Variants in DSCAM observed in about 807,000 individuals in gnomAD.
DSCAM encodes cell adhesion molecule DSCAM.
Under a neutral mutation model 217.7 loss-of-function variants are expected in DSCAM, and 47 were observed. The observed-to-expected ratio is 0.22, with a 90% CI of 0.17 to 0.28. The LOEUF (loss-of-function observed/expected upper bound fraction) is 0.28, where lower values mean the gene tolerates loss of function less well. DSCAM is among the 10% of genes least tolerant of loss of function. DSCAM has a pLI of 1.00. For missense variants in DSCAM, 2,080 were observed against 2,618.3 expected (o/e 0.79, Z 4.49); for synonymous variants, 1,056 against 1,015.3 (o/e 1.04, Z -0.76).
intron 1 of DSCAM, among the ~76,000 whole-genome samples, chr21:40,786,792 T>G (rs2091597945): frequency 6.6e-6 from 1 of 152,238 alleles, no homozygotes; most frequent in Admixed American, 6.5e-5. Context: ...ATTTATAGTT[T>G]AGTTACTATA....
intron 30 of DSCAM, among the ~76,000 whole-genome samples, chr21:40,047,245 G>A (rs1034393765): frequency 2.6e-5 from 4 of 152,092 alleles, no homozygotes; most frequent in Non-Finnish European, 4.4e-5. Flanking sequence ...GAACTCTGCT[G>A]TATGATAATG....
chr21:40,013,444 T>A, intron 32 of DSCAM, 58 bp from the exon 33 acceptor site: 1 of 1,319,576 alleles, frequency 7.6e-7, no homozygotes, highest in Non-Finnish European at 1.0e-6. Context: ...ATGGGCAGAA[T>A]GTCCTGTGTG....
chr21:40,446,378 A>G (rs1569127233), intron 3 of DSCAM, among the ~76,000 whole-genome samples: 1 of 152,162 alleles, frequency 6.6e-6, no homozygotes, highest in African/African-American at 2.4e-5. Flanking sequence ...GTCCAGTCCT[A>G]TGGCCACTGG....
chr21:40,410,612 GA>G (rs1407792597), intron 3 of DSCAM, among the ~76,000 whole-genome samples: 1 of 151,388 alleles, frequency 6.6e-6, no homozygotes, highest in Non-Finnish European at 1.5e-5. Context: ...CAGTCATGAA[GA>G]AAAAAATATC....
chr21:40,430,836 A>G (rs1289526535), intron 3 of DSCAM, among the ~76,000 whole-genome samples: 2 of 152,228 alleles, frequency 1.3e-5, no homozygotes, highest in African/African-American at 4.8e-5. Flanking sequence ...ACCGTGTGCG[A>G]CGCACTTGAG....
chr21:40,288,618 C>T (rs2073855339), intron 10 of DSCAM, among the ~76,000 whole-genome samples: 1 of 152,228 alleles, frequency 6.6e-6, no homozygotes. Context: ...CCAGTATTCA[C>T]ATTTTCCCCT....
At chr21:40,429,998 C>G (rs2075515084) in intron 3 of DSCAM, among the ~76,000 whole-genome samples, 1 of 152,114 alleles carries the variant, frequency 6.6e-6, no homozygotes, top group African/African-American at 2.4e-5. Flanking sequence ...TCATTAAGAC[C>G]TTGTGTAAAA....
At chr21:40,132,936 C>T (rs532876927) in intron 19 of DSCAM, among the ~76,000 whole-genome samples, 32 of 152,274 alleles carry the variant, frequency 2.1e-4, no homozygotes, top group African/African-American at 7.0e-4. Flanking sequence ...ACAGCTTTCC[C>T]GCCCCTGTAC....
chr21:40,416,971 G>T (rs2075377857), intron 3 of DSCAM, among the ~76,000 whole-genome samples: 1 of 152,060 alleles, frequency 6.6e-6, no homozygotes, highest in Admixed American at 6.5e-5. Flanking sequence ...AAAATCAAGG[G>T]ACTCTGGAAC....
chr21:40,094,251 A>T (rs2089649114), intron 20 of DSCAM, among the ~76,000 whole-genome samples: 1 of 152,198 alleles, frequency 6.6e-6, no homozygotes, highest in Non-Finnish European at 1.5e-5. Flanking sequence ...AATAAATGAC[A>T]GTGATCTCTG....
At chr21:40,514,190 A>T (rs1179652489) in intron 3 of DSCAM, among the ~76,000 whole-genome samples, 1 of 152,200 alleles carries the variant, frequency 6.6e-6, no homozygotes, top group Non-Finnish European at 1.5e-5. Context: ...GGTATGGTGA[A>T]CCCTACTCCT....
At chr21:40,681,839 G>A (rs567606141) in intron 3 of DSCAM, among the ~76,000 whole-genome samples, 1 of 152,180 alleles carries the variant, frequency 6.6e-6, no homozygotes, top group Admixed American at 6.5e-5. Flanking sequence ...CTAGAGGGAG[G>A]GACTGGATGG....
chr21:40,067,845 C>T (rs926827504), intron 27 of DSCAM, among the ~76,000 whole-genome samples: 3 of 150,824 alleles, frequency 2.0e-5, no homozygotes, highest in African/African-American at 7.3e-5. Flanking sequence ...TCCTGGTACA[C>T]ATCAAGCAAA....
Position 40,534,678 on chromosome 21 carries a change from C to T in DSCAM, c.508+158132G>A, listed in dbSNP as rs548385618. On this transcript the variant is annotated intron_variant, in intron 3 of 32. Transcript: ENST00000400454. ...TTCTTTACATTTGAAGAGCAGGTAT[C>T]TTGCTTGCTATCCAGGGCAATGATA... Among the ~76,000 whole-genome samples, 41 of 152,288 alleles carry T rather than the reference C, an allele frequency of 2.7e-4. 1 individual carries two copies. The highest frequency in any genetic ancestry group is 8.4e-4 in the African/African-American group (35 of 41,560).
intron 26 of DSCAM, among the ~76,000 whole-genome samples, chr21:40,078,149 T>C (rs1045781255): frequency 3.3e-5 from 5 of 152,208 alleles, no homozygotes; most frequent in African/African-American, 1.2e-4. Flanking sequence ...AAGTGGCAAG[T>C]GTGTGTGAGT....
At chr21:40,789,303 T>G (rs1167313714) in intron 1 of DSCAM, among the ~76,000 whole-genome samples, 6 of 151,916 alleles carry the variant, frequency 3.9e-5, no homozygotes, top group Non-Finnish European at 8.8e-5. Flanking sequence ...GAGAATAACT[T>G]AAATTTTAAT....
intron 27 of DSCAM, among the ~76,000 whole-genome samples, chr21:40,067,735 C>CCCTCCCTCCCT (rs1469940767): frequency 2.7e-5 from 1 of 37,720 alleles, no homozygotes; most frequent in African/African-American, 1.3e-4. Flanking sequence ...TTCCCTCCCT[C>CCCTCCCTCCCT]CCCTCATTCC....
At chr21:40,703,571 CA>C (rs1019294342) in intron 2 of DSCAM, among the ~76,000 whole-genome samples, 2 of 152,186 alleles carry the variant, frequency 1.3e-5, no homozygotes, top group Admixed American at 1.3e-4. Flanking sequence ...ACAGCAACAA[CA>C]AAAATCCTGT....
chr21:40,144,416 T>G lies in DSCAM; in HGVS notation c.3259+75A>C. The G allele has an allele frequency of 6.3e-7, 1 of 1,582,956 alleles. No homozygotes were observed. The highest frequency in any genetic ancestry group is 1.7e-5 in the Admixed American group (1 of 58,310). On this transcript the variant is annotated intron_variant, in intron 17 of 32. Coordinates refer to ENST00000400454, the MANE Select transcript of DSCAM (RefSeq NM_001389.5). The surrounding 1 kb of genome is among the most constrained non-coding windows in gnomAD (Gnocchi z 4.8). ...GTCGTGGGGCGGGGGAGTGCGAGGT[T>G]GGGGGAGCCCCGGGGCAGACCCGAG...
Sources: gnomAD v4.1 joint callset for allele counts (sites outside exome capture counted in the v4.1 genomes callset) on GRCh38, gnomAD v4.1.1 for gene constraint, Gnocchi (gnomAD v3.1) non-coding constraint, MANE v1.5 for transcripts, NCBI Gene and HGNC (gene_info 2026-07-23, HGNC 2026-07-21) for gene names.